Variants in ANO4 observed in about 807,000 individuals in gnomAD.
ANO4 encodes anoctamin-4.
In ANO4, 69 loss-of-function variants were observed where a neutral mutation model predicts 141.9. The observed-to-expected ratio is 0.49, with a 90% CI of 0.40 to 0.59. The LOEUF is 0.59. Among genes scored for constraint, ANO4 ranks in the 20% least tolerant of loss-of-function variants. The pLI, the probability that ANO4 is intolerant of heterozygous loss-of-function variation, is 0.00. For synonymous variants in ANO4, 350 were observed against 394.3 expected (o/e 0.89, Z 1.33); for missense variants, 894 against 1,162.2 (o/e 0.77, Z 3.36).
At chr12:101,119,875 C>T (rs1041606714) in intron 25 of ANO4, among the ~76,000 whole-genome samples, 2 of 152,128 alleles carry the variant, frequency 1.3e-5, no homozygotes, top group African/African-American at 4.8e-5. Flanking sequence ...CTGAATAGTG[C>T]CTGGTCCCCA....
chr12:100,992,040 TCTC>T (rs1049934093), intron 8 of ANO4, among the ~76,000 whole-genome samples: 3 of 152,170 alleles, frequency 2.0e-5, no homozygotes, highest in African/African-American at 7.2e-5. Flanking sequence ...AAGTTATACA[TCTC>T]CACGGATTGA....
chr12:100,755,855 C>T (rs955261918), intron 3 of ANO4, among the ~76,000 whole-genome samples: 9 of 152,160 alleles, frequency 5.9e-5, no homozygotes, highest in Non-Finnish European at 1.2e-4. Flanking sequence ...GAAACCTTAA[C>T]ATTTAACCAC....
chr12:100,790,897 A>G, upstream of ANO4, among the ~76,000 whole-genome samples: 1 of 152,206 alleles, frequency 6.6e-6, no homozygotes, highest in South Asian at 2.1e-4. Context: ...CTGATAGGGA[A>G]ACATTAGCAG....
chr12:101,013,004 A>G (rs959100144), intron 8 of ANO4, among the ~76,000 whole-genome samples: 7 of 152,026 alleles, frequency 4.6e-5, no homozygotes, highest in South Asian at 4.2e-4. Context: ...AGAAAAGGGA[A>G]CTCTCATACA....
chr12:101,093,299 T>C (rs1042006899), intron 17 of ANO4, among the ~76,000 whole-genome samples: 2 of 152,124 alleles, frequency 1.3e-5, no homozygotes, highest in Non-Finnish European at 2.9e-5. Flanking sequence ...GACAGGAAGG[T>C]CAGTAAGTTC....
chr12:101,004,000 A>T (rs552717059), intron 8 of ANO4, among the ~76,000 whole-genome samples: 1 of 152,154 alleles, frequency 6.6e-6, no homozygotes, highest in East Asian at 1.9e-4. Flanking sequence ...CAAGCAGGAT[A>T]GGTAGATGGC....
At chr12:101,106,755 C>A (rs937905058) in intron 22 of ANO4, among the ~76,000 whole-genome samples, 23 of 150,510 alleles carry the variant, frequency 1.5e-4, no homozygotes, top group Non-Finnish European at 3.3e-4. Context: ...AAAATGTTAC[C>A]AAGAGTTAAT....
At chr12:100,736,715 A>G (rs2031634565) in intron 2 of ANO4, among the ~76,000 whole-genome samples, 1 of 152,136 alleles carries the variant, frequency 6.6e-6, no homozygotes, top group African/African-American at 2.4e-5. Flanking sequence ...GGTGGGCCCT[A>G]CTCCAATGTG....
chr12:100,905,656 C>CT (rs1412137278), intron 2 of ANO4, among the ~76,000 whole-genome samples: 1 of 152,038 alleles, frequency 6.6e-6, no homozygotes, highest in Non-Finnish European at 1.5e-5. Context: ...ATATGGGCAA[C>CT]TTTTTTGAGC....
chr12:100,885,612 G>C (rs2039789398), intron 1 of ANO4: 1 of 152,130 alleles, frequency 6.6e-6, no homozygotes, highest in African/African-American at 2.4e-5. Context: ...AATGTGCCTG[G>C]ACTACATATG....
intron 5 of ANO4, among the ~76,000 whole-genome samples, chr12:100,970,366 C>T (rs1197576960): frequency 1.3e-5 from 2 of 152,154 alleles, no homozygotes; most frequent in East Asian, 3.9e-4. Flanking sequence ...GCCACTCTTC[C>T]CTCCTTAGTA....
intron 3 of ANO4, among the ~76,000 whole-genome samples, chr12:100,937,576 G>GT (rs940226867): frequency 3.6e-4 from 54 of 151,882 alleles, no homozygotes; most frequent in Middle Eastern, 6.8e-3. Flanking sequence ...AAAGACCATG[G>GT]TTTTTTTTCT....
At chr12:100,875,230 C>T (rs1414081967) in intron 1 of ANO4, among the ~76,000 whole-genome samples, 6 of 152,076 alleles carry the variant, frequency 3.9e-5, no homozygotes, top group Admixed American at 6.5e-5. Flanking sequence ...TGGATCATGG[C>T]GGTGGATTTT....
chr12:100,819,299 C>T (rs1040839994), intron 1 of ANO4, among the ~76,000 whole-genome samples: 2 of 151,624 alleles, frequency 1.3e-5, no homozygotes, highest in East Asian at 3.9e-4. Context: ...AATATTTATT[C>T]TTTCAGTAAA....
rs1194122665 is a variant in ANO4, at chr12:101,080,900, T to TATATATACACAC, written c.1395+1626_1395+1627insTATATACACACA. Reference sequence around the variant, plus strand: ...TATATATATTATATATATATATATATACATACACATATACATATATATAAA... The same window carrying TATATATACACAC: ...TATATATATTATATATATATATATATATATATACACACACATACACATATACATATATATAAA... On this transcript the variant is annotated intron_variant, in intron 15 of 27. Transcript: ENST00000392977. Among the ~76,000 whole-genome samples the TATATATACACAC allele has an allele frequency of 3.9e-4, 51 of 131,036 alleles. 2 individuals carry two copies. The highest frequency in any genetic ancestry group is 1.2e-3 in the African/African-American group (44 of 35,438). The allele number at this position is 131,036 out of a possible 152,430, so 86.0% of individuals were successfully genotyped here.
chr12:100,843,236 A>G (rs1366099931), intron 1 of ANO4, among the ~76,000 whole-genome samples: 2 of 152,158 alleles, frequency 1.3e-5, no homozygotes, highest in Non-Finnish European at 2.9e-5. Context: ...AGTCCTCAAT[A>G]ATTGCTAGTG....
chr12:100,863,050 G>C, intron 1 of ANO4, among the ~76,000 whole-genome samples: 1 of 152,160 alleles, frequency 6.6e-6, no homozygotes, highest in South Asian at 2.1e-4. Flanking sequence ...AGAAAGCCAC[G>C]AGCACATGGG....
At chr12:100,744,802 A>G (rs529175895) in intron 3 of ANO4, among the ~76,000 whole-genome samples, 2 of 152,146 alleles carry the variant, frequency 1.3e-5, no homozygotes, top group African/African-American at 4.8e-5. Flanking sequence ...AGCTCTCACT[A>G]TCTCTCCTTA....
intron 1 of ANO4, among the ~76,000 whole-genome samples, chr12:100,836,435 G>A (rs1485382843): frequency 1.3e-5 from 2 of 151,842 alleles, no homozygotes; most frequent in South Asian, 2.1e-4. Flanking sequence ...TTGGTCTGCT[G>A]CACCCATTAA....
Sources: gnomAD v4.1 joint callset for allele counts (sites outside exome capture counted in the v4.1 genomes callset) on GRCh38, gnomAD v4.1.1 for gene constraint, MANE v1.5 for transcripts, NCBI Gene and HGNC (gene_info 2026-07-23, HGNC 2026-07-21) for gene names.